The following CYTH3 variants were observed in gnomAD, a reference collection of about 807,000 sequenced individuals.
The protein encoded by CYTH3 is cytohesin-3.
In CYTH3, 23 loss-of-function variants were observed where a neutral mutation model predicts 55.1. The observed-to-expected ratio is 0.42, with a 90% CI of 0.30 to 0.59. CYTH3 has a LOEUF of 0.59. CYTH3 is among the 20% of genes least tolerant of loss of function. CYTH3 has a pLI of 0.20. For missense variants in CYTH3, 413 were observed against 524.8 expected (o/e 0.79, Z 2.08); for synonymous variants, 249 against 194.9 (o/e 1.28, Z -2.31).
intron 1 of CYTH3, among the ~76,000 whole-genome samples, chr7:6,260,759 T>G (rs994533320): frequency 5.3e-5 from 8 of 152,196 alleles, no homozygotes; most frequent in African/African-American, 1.9e-4. Flanking sequence ...TTTGCTGTGC[T>G]GTCCTCAGTC....
intron 1 of CYTH3, among the ~76,000 whole-genome samples, chr7:6,260,304 C>G (rs1780319960): frequency 6.6e-6 from 1 of 152,110 alleles, no homozygotes; most frequent in Non-Finnish European, 1.5e-5. Flanking sequence ...GTTACTTATA[C>G]TAAGAGTGTG....
intron 1 of CYTH3, among the ~76,000 whole-genome samples, chr7:6,252,883 T>C (rs1236668899): frequency 1.3e-5 from 2 of 152,188 alleles, no homozygotes; most frequent in East Asian, 1.9e-4. Context: ...ATCCTCACTA[T>C]GTTAAGCCAG....
rs1229426329 is a variant in CYTH3, at chr7:6,270,371, G to A, written c.34+2103C>T. ...TTATTTTCCAGCACCTAACATGCTG[G>A]CTAGCATTTTGATGGGCAATCAATA... is the stretch of plus-strand genomic sequence containing the variant. On this transcript the variant is annotated intron_variant, in intron 1 of 12. Coordinates refer to ENST00000350796, the MANE Select transcript of CYTH3 (RefSeq NM_004227.4). Among the ~76,000 whole-genome samples the A allele has an allele frequency of 3.9e-5, 6 of 152,182 alleles. No individual in the cohort carries two copies. In the East Asian group the frequency reaches 1.2e-3, roughly 29 times the overall value.
intron 1 of CYTH3, among the ~76,000 whole-genome samples, chr7:6,222,188 A>C (rs924848674): frequency 2.6e-5 from 4 of 152,314 alleles, no homozygotes; most frequent in Admixed American, 2.0e-4. Context: ...AGATGTGATC[A>C]AGGTGCTAAT....
chr7:6,205,875 TAAAAAAAAAA>T lies in CYTH3; in HGVS notation c.35-15354_35-15345del, dbSNP rs370194149. Reference sequence around the variant, plus strand: ...GGTGACAGAGCAAGGTCCTATCTCTTAAAAAAAAAAAAAAAAAAAAAAAAAAAAAGCTTAT... The same window carrying T: ...GGTGACAGAGCAAGGTCCTATCTCTTAAAAAAAAAAAAAAAAAAAGCTTAT... On this transcript the variant is annotated intron_variant, in intron 1 of 12. Transcript: ENST00000350796. Among the ~76,000 whole-genome samples the T allele has an allele frequency of 7.4e-3, 208 of 28,088 alleles. 2 individuals carry two copies. The highest frequency in any genetic ancestry group is 0.026 in the African/African-American group (169 of 6,412). The allele number at this position is 28,088 out of a possible 152,430, so 18.4% of individuals were successfully genotyped here.
At chr7:6,201,199 G>A (rs550256995) in intron 1 of CYTH3, among the ~76,000 whole-genome samples, 1 of 152,324 alleles carries the variant, frequency 6.6e-6, no homozygotes, top group East Asian at 1.9e-4. Flanking sequence ...CTCAGTGGGT[G>A]ATAAAGCAGC....
intron 5 of CYTH3, among the ~76,000 whole-genome samples, chr7:6,177,097 A>G (rs930186239): frequency 2.6e-5 from 4 of 152,322 alleles, no homozygotes; most frequent in Admixed American, 2.0e-4. Flanking sequence ...TGCTTACTAT[A>G]TATTACAGTC....
chr7:6,270,874 T>A (rs1403324948), intron 1 of CYTH3, among the ~76,000 whole-genome samples: 1 of 152,192 alleles, frequency 6.6e-6, no homozygotes, highest in Non-Finnish European at 1.5e-5. Flanking sequence ...CCTCTTTTCC[T>A]CTTTATTCCT....
chr7:6,164,898 T>G lies in CYTH3; in HGVS notation c.*46A>C, dbSNP rs750795654. 3 of 1,609,928 alleles carry G rather than the reference T, an allele frequency of 1.9e-6. No homozygotes were observed. The highest frequency in any genetic ancestry group is 1.7e-6 in the Non-Finnish European group (2 of 1,176,308). On this transcript the variant is annotated 3_prime_UTR_variant, in exon 13 of 13. Transcript: ENST00000350796. ...CGCGGAGGGGCCGCCCGCGGTGTCT[T>G]TCTGCTGGGGTTGGGTCTTTTACCT... is the stretch of plus-strand genomic sequence containing the variant.
At position 6,163,049 on chromosome 7, in the gene CYTH3, C is replaced by T. The variant is rs1014490365; in HGVS notation, c.*1895G>A. The T allele has an allele frequency of 4.6e-5, 7 of 152,692 alleles. No homozygotes were observed. Among genetic ancestry groups the T allele is most frequent in the African/African-American group, 1.7e-4 (7 of 41,462 alleles). The allele number at this position is 152,692 out of a possible 1,614,324, so 9.5% of individuals were successfully genotyped here. A position where few individuals can be genotyped will look rare whatever the true frequency, so the allele number is the denominator to read the frequency against. ...CAGGCATTTCAAGAACGCTGACTTG[C>T]CTTTCTCAGAACTAAAACTTCCGAT... On this transcript the variant is annotated 3_prime_UTR_variant, in exon 13 of 13. Coordinates refer to ENST00000350796, the MANE Select transcript of CYTH3 (RefSeq NM_004227.4).
intron 1 of CYTH3, among the ~76,000 whole-genome samples, chr7:6,216,364 A>G (rs1449158605): frequency 6.6e-6 from 1 of 152,080 alleles, no homozygotes; most frequent in African/African-American, 2.4e-5. Flanking sequence ...TATATTACTT[A>G]TTATACATAC....
At chr7:6,197,818 G>A (rs1468359668) in intron 1 of CYTH3, among the ~76,000 whole-genome samples, 3 of 152,204 alleles carry the variant, frequency 2.0e-5, no homozygotes, top group Non-Finnish European at 4.4e-5. Context: ...TTGGCCAGGT[G>A]TAATGGCTCA....
In CYTH3 at chr7:6,165,411, T is replaced by C. The variant is rs1365885009; in HGVS notation, c.989A>G (p.Tyr330Cys). ...GACCTGCCCTTTGTGGCTGGGATTG[T>C]AGAGCTCAAAACAGTTCTGGTGGAG... Reference protein sequence around the residue: ...DPRKPNCFELYNPSHKGQVIK... With the variant: ...DPRKPNCFELCNPSHKGQVIK... The change falls in exon 12 of 13, where the codon TAC becomes TGC. Residue 330 changes from tyrosine to cysteine, a missense_variant. Transcript: ENST00000350796. The C allele has an allele frequency of 6.2e-7, 1 of 1,613,722 alleles. No homozygotes were observed. The highest frequency in any genetic ancestry group is 8.5e-7 in the Non-Finnish European group (1 of 1,179,812).
chr7:6,255,093 A>T (rs1780064266), intron 1 of CYTH3, among the ~76,000 whole-genome samples: 2 of 152,210 alleles, frequency 1.3e-5, no homozygotes, highest in African/African-American at 4.8e-5. Context: ...ACAATCGTCG[A>T]GATTTTTGAT....
chr7:6,240,030 G>A (rs772211781), intron 1 of CYTH3, among the ~76,000 whole-genome samples: 4 of 152,156 alleles, frequency 2.6e-5, no homozygotes, highest in Non-Finnish European at 4.4e-5. Flanking sequence ...TAGAGGCTGG[G>A]TGCAGTGGCT....
intron 1 of CYTH3, among the ~76,000 whole-genome samples, chr7:6,231,021 T>A (rs889280893): frequency 6.6e-6 from 1 of 152,158 alleles, no homozygotes; most frequent in Non-Finnish European, 1.5e-5. Flanking sequence ...TTCCCCACAG[T>A]CACCCCAGCC....
In CYTH3 at chr7:6,240,176, G is replaced by A. The variant is rs149683368; in HGVS notation, c.34+32298C>T. 5.9e-5 allele frequency among the ~76,000 whole-genome samples: 9 copies of A among 151,906 alleles called. No individual in the cohort carries two copies. The East Asian group carries it at 1.7e-3, about 29-fold the overall frequency. On this transcript the variant is annotated intron_variant, in intron 1 of 12. Transcript: ENST00000350796. ...CAAAAATGAGCCAGGTGTGGTGGCA[G>A]GCACCTGTACTCCCAGCTACTCAGA...
At chr7:6,189,175 C>G (rs753714186) in intron 2 of CYTH3, among the ~76,000 whole-genome samples, 1 of 152,194 alleles carries the variant, frequency 6.6e-6, no homozygotes, top group Non-Finnish European at 1.5e-5. Flanking sequence ...CTGTAACAAT[C>G]ACAGGCTCTC....
In CYTH3 at chr7:6,235,094, A is replaced by G. The variant is rs189737274; in HGVS notation, c.34+37380T>C. Among the ~76,000 whole-genome samples, 702 of 152,208 alleles carry G rather than the reference A, an allele frequency of 4.6e-3. 8 individuals carry two copies. The highest frequency in any genetic ancestry group is 0.016 in the African/African-American group (676 of 41,532). On this transcript the variant is annotated intron_variant, in intron 1 of 12. Coordinates refer to ENST00000350796, the MANE Select transcript of CYTH3 (RefSeq NM_004227.4). ...TCATGCTCCTTTGCCATGCGCATGT[A>G]TATTTCCTCCTCACAGAATGCCTGT...
Sources: gnomAD v4.1 joint callset for allele counts (sites outside exome capture counted in the v4.1 genomes callset) on GRCh38, gnomAD v4.1.1 for gene constraint, MANE v1.5 for transcripts, NCBI Gene and HGNC (gene_info 2026-07-23, HGNC 2026-07-21) for gene names.